The following EDEM3 variants were observed in gnomAD, a reference collection of about 807,000 sequenced individuals.
EDEM3 encodes the protein ER degradation enhancing alpha-mannosidase like protein 3, also known as ER degradation-enhancing alpha-mannosidase-like protein 3.
Under a neutral mutation model 110.2 loss-of-function variants are expected in EDEM3, and 60 were observed. The ratio of observed to expected loss-of-function variants is 0.54; its 90% CI spans 0.44 to 0.67. EDEM3 has a LOEUF of 0.67. Ranked by LOEUF, EDEM3 falls within the 30% of genes least tolerant of loss-of-function variation. EDEM3 has a pLI of 0.00. For missense variants in EDEM3, 996 were observed against 1,121.0 expected (o/e 0.89, Z 1.59); for synonymous variants, 352 against 382.9 (o/e 0.92, Z 0.94).
chr1:184,735,152 G>T (rs1289856539), intron 4 of EDEM3, among the ~76,000 whole-genome samples: 1 of 152,130 alleles, frequency 6.6e-6, no homozygotes, highest in Non-Finnish European at 1.5e-5. Flanking sequence ...ACAATGTTGT[G>T]GTCATGCCCT....
intron 9 of EDEM3, chr1:184,721,008 T>C: frequency 7.1e-6 from 2 of 280,398 alleles, no homozygotes; most frequent in South Asian, 5.3e-5. Flanking sequence ...CTTATCCTTG[T>C]ACAAACAAGA....
In EDEM3 at chr1:184,737,630, C is replaced by T. The variant is rs767212054; in HGVS notation, c.286G>A (p.Val96Ile). 57 of 1,613,882 alleles carry T rather than the reference C, an allele frequency of 3.5e-5. No homozygotes were observed. Among genetic ancestry groups the T allele is most frequent in the Middle Eastern group, 3.3e-4 (2 of 6,082 alleles). Residue 96 changes from valine (V) to isoleucine (I), a missense_variant, in exon 3 of 20, where the codon GTT becomes ATT. Around this residue, in one of 5 missense-constraint regions of EDEM3, gnomAD observed 200 missense variants for 183.8 expected, o/e 1.09. Transcript: ENST00000318130. ...ACTCACTTTCCCAAGGCATCATCAA[C>T]GTCACCGCGACTTGGCTCTTGGCCT... ...VRGQEPSRGD[V>I]DDALGKFSLT...
At chr1:184,730,188 A>G (rs1393005555) in intron 6 of EDEM3, among the ~76,000 whole-genome samples, 1 of 152,246 alleles carries the variant, frequency 6.6e-6, no homozygotes, top group African/African-American at 2.4e-5. Context: ...CAAGTACCTG[A>G]TATCTTAAAA....
chr1:184,748,344 G>C (rs879838973), intron 2 of EDEM3, among the ~76,000 whole-genome samples: 1 of 151,976 alleles, frequency 6.6e-6, no homozygotes, highest in African/African-American at 2.4e-5. Flanking sequence ...CTACTCAGGA[G>C]GCTGAGGCAG....
In EDEM3 at chr1:184,754,773, G is replaced by A. The variant is rs1653006860; in HGVS notation, c.-127C>T. ...GGGATGCGGAGTAACACGGACGGCC[G>A]CCGGCGCCAAACTGTTTCCCGAAGC... is the stretch of plus-strand genomic sequence containing the variant. On this transcript the variant is annotated 5_prime_UTR_variant, in exon 1 of 20. Transcript: ENST00000318130. 7 of 1,361,640 alleles carry A rather than the reference G, an allele frequency of 5.1e-6. No individual in the cohort carries two copies. The Admixed American group carries it at 2.1e-4, about 40-fold the overall frequency. 84.3% of individuals were successfully genotyped at this position (1,361,640 alleles called of 1,614,324 possible). A position where few individuals can be genotyped will look rare whatever the true frequency, so the allele number is the denominator to read the frequency against.
chr1:184,741,270 G>T lies in EDEM3; in HGVS notation c.205-3559C>A, dbSNP rs139493860. 2.8e-3 allele frequency among the ~76,000 whole-genome samples: 432 copies of T among 152,012 alleles called. 5 individuals carry two copies. In the East Asian group the frequency reaches 0.036, roughly 13 times the overall value. ...AAAAATTAGCTGGGTGTGGTGGCAG[G>T]CATCTGTAATCCCAGCTACTCGGGA... On this transcript the variant is annotated intron_variant, in intron 2 of 19. Coordinates refer to ENST00000318130, the MANE Select transcript of EDEM3 (RefSeq NM_025191.4).
intron 7 of EDEM3, among the ~76,000 whole-genome samples, chr1:184,725,041 T>C (rs1651114314): frequency 1.3e-5 from 2 of 152,172 alleles, no homozygotes; most frequent in Non-Finnish European, 2.9e-5. Flanking sequence ...CATGGCTGTG[T>C]TCCAATAAAG....
rs558088632 is a variant in EDEM3, at chr1:184,691,621, T to TA, written c.*2441dup. 3,295 of 122,310 alleles carry TA rather than the reference T, an allele frequency of 0.027. 45 individuals are homozygous for TA. The highest frequency in any genetic ancestry group is 0.056 in the African/African-American group (1,878 of 33,794). 7.6% of individuals were successfully genotyped at this position (122,310 alleles called of 1,614,324 possible). ...AAAAGTTAACTAAAAAACAAAACAC[T>TA]AAAAAAAAAAAAAACAACTAATGCC... On this transcript the variant is annotated 3_prime_UTR_variant, in exon 20 of 20. Transcript: ENST00000318130.
At chr1:184,732,279 TAG>T (rs77683132) in intron 6 of EDEM3, among the ~76,000 whole-genome samples, 10,865 of 151,924 alleles carry the variant, frequency 0.072, 445 homozygotes, top group African/African-American at 0.12. Flanking sequence ...CTCATGGAGA[TAG>T]AGAGTAGAAC....
chr1:184,700,795 T>G (rs1236168071), intron 19 of EDEM3, among the ~76,000 whole-genome samples: 1 of 151,964 alleles, frequency 6.6e-6, no homozygotes, highest in Non-Finnish European at 1.5e-5. Flanking sequence ...TTTGTTGATT[T>G]CATAACACTA....
At chr1:184,749,430 T>C (rs1219207313) in intron 2 of EDEM3, 117 bp downstream of exon 2, 4 of 842,114 alleles carry the variant, frequency 4.7e-6, no homozygotes, top group Non-Finnish European at 5.4e-6. Context: ...CCCTGTTTTT[T>C]AAAAACTTCC....
chr1:184,738,402 T>C (rs10911647), intron 2 of EDEM3, among the ~76,000 whole-genome samples: 78 of 152,296 alleles, frequency 5.1e-4, no homozygotes, highest in African/African-American at 1.8e-3. Context: ...CCCTTAGCAG[T>C]ACCCATTCCT....
At chr1:184,738,780 C>T (rs1651972997) in intron 2 of EDEM3, among the ~76,000 whole-genome samples, 1 of 151,994 alleles carries the variant, frequency 6.6e-6, no homozygotes, top group African/African-American at 2.4e-5. Context: ...TGATCTTTTG[C>T]CCATCTTTCC....
At chr1:184,711,524 TA>T (rs1650230114) in intron 15 of EDEM3, among the ~76,000 whole-genome samples, 198 bp downstream of exon 15, 1 of 152,156 alleles carries the variant, frequency 6.6e-6, no homozygotes, top group Non-Finnish European at 1.5e-5. Flanking sequence ...TCCAAAATAA[TA>T]AAAAAGATAT....
At chr1:184,733,087 T>C in intron 5 of EDEM3, 97 bp from the exon 6 acceptor site, 4 of 1,330,456 alleles carry the variant, frequency 3.0e-6, no homozygotes, top group African/African-American at 1.5e-5. Flanking sequence ...ATTTAACATA[T>C]TTAAGGAAAG....
chr1:184,712,605 TAA>T lies in EDEM3; in HGVS notation c.1371-9_1371-8del, dbSNP rs778168583. 3 of 1,503,660 alleles carry T rather than the reference TAA, an allele frequency of 2.0e-6. No individual in the cohort carries two copies. In the South Asian group the frequency reaches 3.7e-5, roughly 19 times the overall value. 93.1% of individuals were successfully genotyped at this position (1,503,660 alleles called of 1,614,324 possible). A position where few individuals can be genotyped will look rare whatever the true frequency, so the allele number is the denominator to read the frequency against. ...CAAGAAGAAAGAATCCATTCTAAAATAAAAAGTCACAAATAAATATAAGTAGA... is the reference window on the plus strand; with the variant it reads ...CAAGAAGAAAGAATCCATTCTAAAATAAAGTCACAAATAAATATAAGTAGA... On this transcript the variant is annotated splice_polypyrimidine_tract_variant and splice_region_variant and intron_variant, in intron 13 of 19. Coordinates refer to ENST00000318130, the MANE Select transcript of EDEM3 (RefSeq NM_025191.4).
intron 11 of EDEM3, among the ~76,000 whole-genome samples, chr1:184,718,882 T>G (rs1322285410): frequency 6.6e-6 from 1 of 151,872 alleles, no homozygotes; most frequent in South Asian, 2.1e-4. Flanking sequence ...TTAGGAAGAG[T>G]TGAGAAGAAC....
At chr1:184,733,058 G>A in intron 5 of EDEM3, 68 bp from the exon 6 acceptor site, 2 of 1,492,854 alleles carry the variant, frequency 1.3e-6, no homozygotes, top group Non-Finnish European at 1.8e-6. Context: ...CTAAAAAGGT[G>A]TGGGTACTTT....
Position 184,693,841 on chromosome 1 carries a change from G to A in EDEM3, c.*222C>T. 3 of 498,280 alleles carry A rather than the reference G, an allele frequency of 6.0e-6. No homozygotes were observed. The highest frequency in any genetic ancestry group is 1.1e-5 in the Non-Finnish European group (3 of 281,194). 30.9% of individuals were successfully genotyped at this position (498,280 alleles called of 1,614,324 possible). On this transcript the variant is annotated 3_prime_UTR_variant, in exon 20 of 20. Coordinates refer to ENST00000318130, the MANE Select transcript of EDEM3 (RefSeq NM_025191.4). ...GGTGGTGCAGTGCTGCATTTGAAGG[G>A]GGAACTGTGGATTTCCATTTTTGAT... is the stretch of plus-strand genomic sequence containing the variant.
Sources: allele counts gnomAD v4.1 joint callset (sites outside exome capture counted in the v4.1 genomes callset), GRCh38; gene constraint gnomAD v4.1.1; regional missense constraint gnomAD v4.1.1; transcripts MANE v1.5; gene names NCBI Gene and HGNC (gene_info 2026-07-23, HGNC 2026-07-21).